ARCN1: variants seen among roughly 807,000 people sequenced by gnomAD.
ARCN1 encodes coatomer subunit delta.
ARCN1 carries 5 observed loss-of-function variants against 60.4 expected under a neutral mutation model. The observed-to-expected ratio is 0.08, with a 90% CI of 0.04 to 0.17. ARCN1 has a LOEUF of 0.17. Among genes scored for constraint, ARCN1 ranks in the 10% least tolerant of loss-of-function variants. The pLI, the probability that ARCN1 is intolerant of heterozygous loss-of-function variation, is 1.00. For missense variants in ARCN1, 464 were observed against 626.5 expected (o/e 0.74, Z 2.77); for synonymous variants, 224 against 220.0 (o/e 1.02, Z -0.16).
chr11:118,583,870 G>A lies in ARCN1; in HGVS notation c.509G>A (p.Arg170Gln), dbSNP rs782646865. ...RRKAKELQQA[R>Q]RDAERQGKKA... ...AAAGCAAAGGAATTACAACAGGCCC[G>A]AAGAGATGCAGAGAGACAGGGCAAA... The change falls in exon 4 of 10, where the codon CGA (arginine) becomes CAA (glutamine). Residue 170 changes from arginine to glutamine, a missense_variant. By Grantham distance (43) the Arg-to-Gln change is conservative. This residue lies in a region of ARCN1 where 359 missense variants were observed against 440.2 expected (regional missense o/e 0.82). Transcript: ENST00000264028. The A allele has an allele frequency of 5.0e-6, 8 of 1,614,198 alleles. No individual in the cohort carries two copies. Among genetic ancestry groups the A allele is most frequent in the Non-Finnish European group, 6.8e-6 (8 of 1,180,038 alleles).
intron 8 of ARCN1, among the ~76,000 whole-genome samples, chr11:118,595,017 T>G (rs1341117740): frequency 6.6e-6 from 1 of 151,808 alleles, no homozygotes; most frequent in African/African-American, 2.4e-5. Context: ...GCCCAGTTAA[T>G]TTTTGTATTT....
chr11:118,576,591 TTTA>T (rs1165551706), intron 1 of ARCN1, among the ~76,000 whole-genome samples: 7 of 152,060 alleles, frequency 4.6e-5, no homozygotes, highest in African/African-American at 1.2e-4. Context: ...TGTAAAGAGG[TTTA>T]TTATTTCAAG....
At position 118,589,768 on chromosome 11, in the gene ARCN1, C is replaced by G. The variant is rs144218821; in HGVS notation, c.819-573C>G. On this transcript the variant is annotated intron_variant, in intron 5 of 9. Coordinates refer to ENST00000264028, the MANE Select transcript of ARCN1 (RefSeq NM_001655.5). ...CCCTATTGGCAGACATGTTTCTAAA[C>G]TTTTGCCATTACAAACAATTCTTCA... Among the ~76,000 whole-genome samples, 228 of 152,272 alleles carry G rather than the reference C, an allele frequency of 1.5e-3. 2 individuals are homozygous for G. The highest frequency in any genetic ancestry group is 5.3e-3 in the African/African-American group (220 of 41,564).
At chr11:118,591,744 T>TG (rs1468392389) in intron 6 of ARCN1, among the ~76,000 whole-genome samples, 1 of 150,600 alleles carries the variant, frequency 6.6e-6, no homozygotes, top group Non-Finnish European at 1.5e-5. Context: ...TTTTGTTTTT[T>TG]TTTTTGTTTT....
chr11:118,575,437 T>TGTGTGTGTGTGTGTGTG (rs1555073335), intron 1 of ARCN1, among the ~76,000 whole-genome samples: 2 of 151,916 alleles, frequency 1.3e-5, no homozygotes, highest in African/African-American at 4.8e-5. Flanking sequence ...TGTGTGTGTG[T>TGTGTGTGTGTGTGTGTG]TTTAATTCTC....
chr11:118,574,426 A>G (rs573129557), intron 1 of ARCN1, among the ~76,000 whole-genome samples: 3 of 152,278 alleles, frequency 2.0e-5, no homozygotes, highest in East Asian at 3.9e-4. Context: ...AAATTTTCCA[A>G]CATCTGGAAA....
At chr11:118,594,959 C>T (rs556867577) in intron 8 of ARCN1, among the ~76,000 whole-genome samples, 2 of 152,320 alleles carry the variant, frequency 1.3e-5, no homozygotes, top group South Asian at 2.1e-4. Context: ...AAGCGATTCT[C>T]GTGCCTCAGT....
chr11:118,583,981 C>T lies in ARCN1; in HGVS notation c.620C>T (p.Thr207Ile), dbSNP rs1938719271. The stretch of plus-strand genomic sequence containing the variant: ...ATGATCACAGAGACCATCATTGAAA[C>T]TGATAAACCAAAAGTGGCACCTGCA... ...AAMITETIIE[T>I]DKPKVAPAPA... Residue 207 changes from threonine (T) to isoleucine (I), a missense_variant, in exon 4 of 10, where the codon ACT (threonine) becomes ATT (isoleucine). Physicochemically the swap from Thr to Ile is moderately conservative, Grantham distance 89. Coordinates refer to ENST00000264028, the MANE Select transcript of ARCN1 (RefSeq NM_001655.5). The T allele has an allele frequency of 1.9e-6, 3 of 1,614,098 alleles. No homozygotes were observed. The highest frequency in any genetic ancestry group is 3.3e-4 in the Middle Eastern group (2 of 6,080).
In ARCN1 at chr11:118,574,217, C is replaced by T. The variant is rs182140475; in HGVS notation, c.3+1667C>T. Among the ~76,000 whole-genome samples the T allele has an allele frequency of 2.2e-3, 335 of 152,272 alleles. 2 individuals are homozygous for T. Among genetic ancestry groups the T allele is most frequent in the African/African-American group, 7.9e-3 (327 of 41,552 alleles). The stretch of plus-strand genomic sequence containing the variant: ...ATCCAGATACCCACAGATTTGTGTA[C>T]TCTGGAGAACAATTTATCTCAGTAC... On this transcript the variant is annotated intron_variant, in intron 1 of 9. Coordinates refer to ENST00000264028, the MANE Select transcript of ARCN1 (RefSeq NM_001655.5).
At chr11:118,578,078 C>G (rs1177109747) in intron 1 of ARCN1, among the ~76,000 whole-genome samples, 1 of 151,960 alleles carries the variant, frequency 6.6e-6, no homozygotes, top group Non-Finnish European at 1.5e-5. Flanking sequence ...ATGAGAATTG[C>G]TTGAACTCAG....
chr11:118,597,726 G>T lies in ARCN1; in HGVS notation c.1261G>T (p.Val421Phe). 6.2e-7 allele frequency: 1 copy of T among 1,614,176 alleles called. No homozygotes were observed. Among genetic ancestry groups the T allele is most frequent in the Non-Finnish European group, 8.5e-7 (1 of 1,180,036 alleles). Residue 421 changes from valine to phenylalanine, a missense_variant, in exon 9 of 10, where the codon GTT (valine) becomes TTT (phenylalanine). Val to Phe is a conservative substitution (Grantham distance 50). Transcript: ENST00000264028. ...IPLPSGVGAP[V>F]IGEIDGEYRH... ...CAACAGGTCTGGTGTCGGCGCGCCT[G>T]TTATCGGTGAGATCGATGGGGAGTA...
At chr11:118,578,868 GTCTC>G (rs1555074151) in intron 1 of ARCN1, among the ~76,000 whole-genome samples, 27 of 82,716 alleles carry the variant, frequency 3.3e-4, no homozygotes, top group South Asian at 1.0e-3. Context: ...GCAAAACCCC[GTCTC>G]TCTTTTTTTT....
intron 8 of ARCN1, among the ~76,000 whole-genome samples, chr11:118,596,979 G>A (rs560625856): frequency 1.3e-5 from 2 of 152,330 alleles, no homozygotes; most frequent in East Asian, 3.9e-4. Context: ...GGAGGCCGAG[G>A]CAAGTGGATC....
At chr11:118,588,135 G>T (rs1200967927) in intron 5 of ARCN1, among the ~76,000 whole-genome samples, 6 of 152,200 alleles carry the variant, frequency 3.9e-5, no homozygotes, top group Non-Finnish European at 8.8e-5. Context: ...CTTTTATGGA[G>T]ACTTCATTGG....
At position 118,590,241 on chromosome 11, in the gene ARCN1, C is replaced by T. The variant is rs1938870021; in HGVS notation, c.819-100C>T. On this transcript the variant is annotated intron_variant, in intron 5 of 9. Transcript: ENST00000264028. Reference sequence around the variant, plus strand: ...AACTCCCCACCTCAGGTGATCTGCCCGCCTTGGCCTCCCAAAGTGCTGGGG... The same window carrying T: ...AACTCCCCACCTCAGGTGATCTGCCTGCCTTGGCCTCCCAAAGTGCTGGGG... 8.8e-6 allele frequency: 8 copies of T among 909,014 alleles called. No homozygotes were observed. The South Asian group carries it at 1.0e-4, about 12-fold the overall frequency. The allele number at this position is 909,014 out of a possible 1,614,324, so 56.3% of individuals were successfully genotyped here. A position where few individuals can be genotyped will look rare whatever the true frequency, so the allele number is the denominator to read the frequency against.
intron 7 of ARCN1, 114 bp downstream of exon 7, chr11:118,592,970 C>G (rs1277796034): frequency 8.7e-7 from 1 of 1,148,078 alleles, no homozygotes; most frequent in Admixed American, 2.4e-5. Flanking sequence ...GACAAAATGA[C>G]TTTCTTTTGA....
rs372691491 is a variant in ARCN1 at position 118,601,292 on chromosome 11, G to C, written c.*578G>C. 1,072 of 385,696 alleles carry C rather than the reference G, an allele frequency of 2.8e-3. 11 individuals are homozygous for C. Among genetic ancestry groups the C allele is most frequent in the African/African-American group, 0.02 (935 of 46,574 alleles). 23.9% of individuals were successfully genotyped at this position (385,696 alleles called of 1,614,324 possible). On this transcript the variant is annotated 3_prime_UTR_variant, in exon 10 of 10. Transcript: ENST00000264028. ...GCCCAGGCTGGTCGCGAACTCCTGAGCTCAGGCAATCCGCCCACCTCAGCC... is the reference window on the plus strand; with the variant it reads ...GCCCAGGCTGGTCGCGAACTCCTGACCTCAGGCAATCCGCCCACCTCAGCC...
Position 118,600,836 on chromosome 11 carries a change from A to T in ARCN1, c.*122A>T. On this transcript the variant is annotated 3_prime_UTR_variant, in exon 10 of 10. Coordinates refer to ENST00000264028, the MANE Select transcript of ARCN1 (RefSeq NM_001655.5). ...AGACCCCTTTTTTCTGATACAATGCACGATTCTCTGCGCGCAAGGACCCTC... is the reference window on the plus strand; with the variant it reads ...AGACCCCTTTTTTCTGATACAATGCTCGATTCTCTGCGCGCAAGGACCCTC... 1.5e-6 allele frequency: 1 copy of T among 653,392 alleles called. No individual in the cohort carries two copies. Among genetic ancestry groups the T allele is most frequent in the Non-Finnish European group, 2.6e-6 (1 of 380,564 alleles). 40.5% of individuals were successfully genotyped at this position (653,392 alleles called of 1,614,324 possible).
intron 5 of ARCN1, among the ~76,000 whole-genome samples, chr11:118,587,842 C>G (rs1462527516): frequency 6.6e-6 from 1 of 152,236 alleles, no homozygotes; most frequent in Non-Finnish European, 1.5e-5. Flanking sequence ...ACGACCCCCT[C>G]TGGGGTGTTC....
Sources: gnomAD v4.1 joint callset for allele counts (sites outside exome capture counted in the v4.1 genomes callset) on GRCh38, gnomAD v4.1.1 for gene constraint, gnomAD v4.1.1 regional missense constraint, MANE v1.5 for transcripts, NCBI Gene and HGNC (gene_info 2026-07-23, HGNC 2026-07-21) for gene names.